ASH2L: variants seen among roughly 807,000 people sequenced by gnomAD.
ASH2L encodes set1/Ash2 histone methyltransferase complex subunit ASH2.
Under a neutral mutation model 81.1 loss-of-function variants are expected in ASH2L, and 30 were observed. The ratio of observed to expected loss-of-function variants is 0.37; its 90% CI spans 0.28 to 0.50. ASH2L has a LOEUF of 0.50. ASH2L is among the 20% of genes least tolerant of loss of function. The probability of loss-of-function intolerance (pLI) is 0.95; values close to 1 mark genes in which losing one functional copy is unlikely to be tolerated. For synonymous variants in ASH2L, 273 were observed against 279.9 expected (o/e 0.98, Z 0.24); for missense variants, 559 against 792.1 (o/e 0.71, Z 3.53).
chr8:38,134,731 G>T (rs956486102), intron 13 of ASH2L, among the ~76,000 whole-genome samples: 5 of 143,312 alleles, frequency 3.5e-5, no homozygotes, highest in African/African-American at 1.0e-4. Context: ...GTGAAATAAA[G>T]AAACGAGTTT....
At chr8:38,120,309 T>C (rs907505310) in intron 9 of ASH2L, among the ~76,000 whole-genome samples, 4 of 152,136 alleles carry the variant, frequency 2.6e-5, no homozygotes, top group African/African-American at 9.7e-5. Context: ...GTGAAACCAG[T>C]GTTGAATGTT....
At chr8:38,126,882 T>TA (rs1298575645) in intron 10 of ASH2L, among the ~76,000 whole-genome samples, 2 of 150,718 alleles carry the variant, frequency 1.3e-5, no homozygotes, top group African/African-American at 4.9e-5. Context: ...GAAATTGTTT[T>TA]AAAACAGTTA....
intron 1 of ASH2L, chr8:38,106,177 G>C: frequency 2.6e-6 from 4 of 1,524,358 alleles, no homozygotes; most frequent in Non-Finnish European, 2.6e-6. Context: ...GCTTCCCTGT[G>C]CTCCGTGGGT....
At chr8:38,120,723 C>T (rs1391967771) in intron 9 of ASH2L, among the ~76,000 whole-genome samples, 1 of 146,564 alleles carries the variant, frequency 6.8e-6, no homozygotes, top group African/African-American at 2.5e-5. Flanking sequence ...GTAATTTCAC[C>T]AAAACTACCT....
At chr8:38,106,506 C>CG in intron 2 of ASH2L, 62 bp downstream of exon 2, 1 of 966,532 alleles carries the variant, frequency 1.0e-6, no homozygotes, top group Non-Finnish European at 1.5e-6. Flanking sequence ...TCTTCTTCTT[C>CG]TTTTTTTTTT....
At chr8:38,131,845 T>G (rs1802071454) in intron 12 of ASH2L, among the ~76,000 whole-genome samples, 1 of 151,518 alleles carries the variant, frequency 6.6e-6, no homozygotes, top group African/African-American at 2.4e-5. Context: ...TTTTTGTATG[T>G]TTATCTGGTG....
intron 10 of ASH2L, chr8:38,122,492 T>C (rs1265768825): frequency 2.6e-5 from 4 of 152,108 alleles, no homozygotes; most frequent in Non-Finnish European, 5.9e-5. Flanking sequence ...TTTTAAGTAA[T>C]AAAGTAAATA....
chr8:38,133,626 C>A, intron 13 of ASH2L, 80 bp downstream of exon 13: 1 of 1,145,364 alleles, frequency 8.7e-7, no homozygotes, highest in Non-Finnish European at 1.2e-6. Flanking sequence ...AAGTGAGGAA[C>A]ACGAGGCCCA....
At chr8:38,117,375 T>G in intron 8 of ASH2L, 1 of 851,092 alleles carries the variant, frequency 1.2e-6, no homozygotes, top group Non-Finnish European at 1.4e-6. Flanking sequence ...AGCTAGTGTG[T>G]TATCTTTTTA....
Position 38,112,965 on chromosome 8 carries a change from A to AT in ASH2L, c.586-1212dup, listed in dbSNP as rs774833526. On this transcript the variant is annotated intron_variant, in intron 5 of 15. Transcript: ENST00000343823. ...CAGTGTGTTATAGTCCATTGTTGGA[A>AT]TTTTTTTTTTTTTTTAATTGAGATG... 3.1e-3 allele frequency among the ~76,000 whole-genome samples: 445 copies of AT among 143,758 alleles called. 1 individual carries two copies. The highest frequency in any genetic ancestry group is 8.6e-3 in the African/African-American group (338 of 39,396). The allele number at this position is 143,758 out of a possible 152,430, so 94.3% of individuals were successfully genotyped here. A position where few individuals can be genotyped will look rare whatever the true frequency, so the allele number is the denominator to read the frequency against.
rs763077819 is a variant in ASH2L, at chr8:38,116,700, T to C, written c.828T>C (p.Ala276=). ...PAYDNQKQSS[A]VSTSGNLNGG... ...ATGACAACCAAAAACAGAGCAGTGC[T>C]GTGTCTACTAGTGGGAATTTAAATG... Residue 276 remains alanine (A), a synonymous_variant, in exon 8 of 16, where the codon GCT becomes GCC. Transcript: ENST00000343823. 2.0e-5 allele frequency: 33 copies of C among 1,612,964 alleles called. No homozygotes were observed. Among genetic ancestry groups the C allele is most frequent in the Non-Finnish European group, 2.7e-5 (32 of 1,179,764 alleles).
intron 10 of ASH2L, 88 bp from the exon 11 acceptor site, chr8:38,128,203 T>C: frequency 6.7e-7 from 1 of 1,482,340 alleles, no homozygotes; most frequent in East Asian, 2.3e-5. Flanking sequence ...GATTTTTAAA[T>C]TGTTTTATTG....
chr8:38,135,014 G>T (rs563692134), intron 13 of ASH2L, among the ~76,000 whole-genome samples: 1 of 151,790 alleles, frequency 6.6e-6, no homozygotes, highest in Non-Finnish European at 1.5e-5. Context: ...GCTTAAACAG[G>T]TGTGGTCCCA....
chr8:38,128,711 T>G (rs139708704), intron 11 of ASH2L, 47 bp from the exon 12 acceptor site: 3 of 1,575,276 alleles, frequency 1.9e-6, no homozygotes, highest in African/African-American at 2.8e-5. Context: ...CAAACTAGAT[T>G]TGACTTGCAA....
At chr8:38,122,729 C>T (rs972770381) in intron 10 of ASH2L, among the ~76,000 whole-genome samples, 1 of 149,438 alleles carries the variant, frequency 6.7e-6, no homozygotes, top group Non-Finnish European at 1.5e-5. Flanking sequence ...TAATTATCTA[C>T]AATATATTTA....
chr8:38,117,098 T>C (rs1194607580), intron 8 of ASH2L, among the ~76,000 whole-genome samples: 2 of 152,242 alleles, frequency 1.3e-5, no homozygotes, highest in Admixed American at 1.3e-4. Flanking sequence ...GTGCCCATCT[T>C]CTAATTTTTC....
intron 10 of ASH2L, among the ~76,000 whole-genome samples, chr8:38,123,535 C>T (rs542639107): frequency 7.2e-5 from 11 of 152,302 alleles, no homozygotes; most frequent in Non-Finnish European, 1.5e-4. Flanking sequence ...TTTAGTGGGT[C>T]ATGTCCAGTT....
chr8:38,114,524 G>C (rs187028223), intron 6 of ASH2L, among the ~76,000 whole-genome samples: 1 of 152,182 alleles, frequency 6.6e-6, no homozygotes, highest in East Asian at 1.9e-4. Context: ...ATTGAAACTT[G>C]TCCACAGTAC....
At chr8:38,121,583 CACTT>C (rs1811154260) in intron 10 of ASH2L, among the ~76,000 whole-genome samples, 1 of 151,998 alleles carries the variant, frequency 6.6e-6, no homozygotes, top group African/African-American at 2.4e-5. Flanking sequence ...TTTCCACTCA[CACTT>C]AATTATTTCT....
Sources: gnomAD v4.1 joint callset for allele counts (sites outside exome capture counted in the v4.1 genomes callset) on GRCh38, gnomAD v4.1.1 for gene constraint, MANE v1.5 for transcripts, NCBI Gene and HGNC (gene_info 2026-07-23, HGNC 2026-07-21) for gene names.